The following FAM184A variants were observed in gnomAD, a reference collection of about 807,000 sequenced individuals.
FAM184A encodes the protein protein FAM184A.
Under a neutral mutation model 143.8 loss-of-function variants are expected in FAM184A, and 99 were observed. The ratio of observed to expected loss-of-function variants is 0.69; its 90% CI spans 0.58 to 0.81. The LOEUF (loss-of-function observed/expected upper bound fraction) is 0.81, where lower values mean the gene tolerates loss of function less well. FAM184A is among the 40% of genes least tolerant of loss of function. FAM184A has a pLI of 0.00. For synonymous variants in FAM184A, 427 were observed against 446.4 expected, an observed-to-expected ratio of 0.96 and a Z score of 0.55; for missense variants, 1,217 against 1,310.5, an observed-to-expected ratio of 0.93 and a Z score of 1.10.
intron 1 of FAM184A, among the ~76,000 whole-genome samples, chr6:119,032,757 T>G (rs945454499): frequency 2.6e-5 from 4 of 152,150 alleles, no homozygotes; most frequent in Non-Finnish European, 5.9e-5. Flanking sequence ...GCTTACCAAG[T>G]TAATAAAAGA....
At chr6:119,022,665 A>G in intron 3 of FAM184A, among the ~76,000 whole-genome samples, 1 of 152,166 alleles carries the variant, frequency 6.6e-6, no homozygotes, top group East Asian at 1.9e-4. Context: ...GCCTGAGCTC[A>G]GGAGTTCGAG....
At chr6:119,054,896 AT>A (rs1401942768) in intron 1 of FAM184A, among the ~76,000 whole-genome samples, 1 of 152,092 alleles carries the variant, frequency 6.6e-6, no homozygotes, top group African/African-American at 2.4e-5. Flanking sequence ...TTGAGATATA[AT>A]TTATGTAACA....
At chr6:119,099,035 GGGAGGT>G (rs1256324546) in intron 1 of FAM184A, among the ~76,000 whole-genome samples, 5 of 152,268 alleles carry the variant, frequency 3.3e-5, no homozygotes, top group African/African-American at 1.2e-4. Flanking sequence ...GCTTGAACCT[GGGAGGT>G]GGAGGTTGCA....
intron 1 of FAM184A, among the ~76,000 whole-genome samples, chr6:119,061,953 T>A (rs957129504): frequency 3.3e-5 from 5 of 152,136 alleles, no homozygotes; most frequent in Non-Finnish European, 7.3e-5. Flanking sequence ...CTCACACCTG[T>A]AATCTCAACA....
At chr6:118,988,954 A>ATTTTTTTTTTTTT (rs71556820) in intron 9 of FAM184A, among the ~76,000 whole-genome samples, 1 of 112,062 alleles carries the variant, frequency 8.9e-6, no homozygotes, top group African/African-American at 3.5e-5. Flanking sequence ...TCTGGACATG[A>ATTTTTTTTTTTTT]TTTTTTTTTT....
At chr6:119,127,087 A>C (rs1789388438) in intron 1 of FAM184A, among the ~76,000 whole-genome samples, 1 of 152,180 alleles carries the variant, frequency 6.6e-6, no homozygotes, top group Admixed American at 6.5e-5. Context: ...TGGTTTTGGA[A>C]AAAGGCAACA....
rs770789417 is a variant in FAM184A at position 119,024,268 on chromosome 6, C to CTCAA, written c.701_704dup (p.Glu235AspfsTer2). On this transcript the variant is annotated stop_gained and frameshift_variant, in exon 2 of 18. Transcript: ENST00000338891. LOFTEE classifies it high-confidence loss of function. ...GTTTCTTCCGTTCAAGTCTTAGCTC[C>CTCAA]TCAAGCATTTTGTTTAGGGACTCCA... The CTCAA allele has an allele frequency of 1.2e-6, 2 of 1,614,168 alleles. No homozygotes were observed. The highest frequency in any genetic ancestry group is 8.5e-7 in the Non-Finnish European group (1 of 1,180,034).
chr6:119,130,473 G>A (rs1789506995), intron 1 of FAM184A, among the ~76,000 whole-genome samples: 1 of 152,150 alleles, frequency 6.6e-6, no homozygotes, highest in Admixed American at 6.5e-5. Flanking sequence ...GAGAAGAGAG[G>A]CCATAGAGAT....
At chr6:119,038,261 G>A (rs2184457) in intron 1 of FAM184A, among the ~76,000 whole-genome samples, 4,151 of 152,284 alleles carry the variant, frequency 0.027, 218 homozygotes, top group African/African-American at 0.094. Flanking sequence ...GCTTGGGGAT[G>A]CTGGACACAG....
intron 1 of FAM184A, among the ~76,000 whole-genome samples, chr6:119,139,452 A>G (rs1006005968): frequency 3.3e-5 from 5 of 152,170 alleles, no homozygotes; most frequent in Admixed American, 1.3e-4. Flanking sequence ...GTCGAGGAAG[A>G]TTTCCTACCT....
chr6:119,118,329 CAATA>C (rs947516630), intron 1 of FAM184A, among the ~76,000 whole-genome samples: 2 of 152,034 alleles, frequency 1.3e-5, no homozygotes, highest in African/African-American at 4.8e-5. Flanking sequence ...TTAAATAAGA[CAATA>C]TATATAAAGG....
chr6:119,126,289 C>T (rs768304550), intron 1 of FAM184A, among the ~76,000 whole-genome samples: 19 of 152,184 alleles, frequency 1.2e-4, no homozygotes, highest in Non-Finnish European at 2.5e-4. Context: ...CCTCATGCTT[C>T]GAATTTCTCT....
At chr6:119,019,864 A>C in intron 4 of FAM184A, 114 bp downstream of exon 4, 1 of 928,866 alleles carries the variant, frequency 1.1e-6, no homozygotes, top group Non-Finnish European at 1.6e-6. Context: ...TAACTACTAA[A>C]GTAGGAAATG....
chr6:118,986,411 T>G (rs1784197998), intron 9 of FAM184A, among the ~76,000 whole-genome samples: 1 of 152,264 alleles, frequency 6.6e-6, no homozygotes, highest in Non-Finnish European at 1.5e-5. Context: ...TGTTTTTGAA[T>G]GTGCTAAGCA....
chr6:119,024,857 A>C (rs1785576428), intron 1 of FAM184A, 44 bp from the exon 2 acceptor site: 2 of 1,483,226 alleles, frequency 1.3e-6, no homozygotes, highest in African/African-American at 2.8e-5. Context: ...GTGAATCCAT[A>C]TTATTTTCTA....
chr6:119,004,110 A>T (rs1784852656), intron 7 of FAM184A, among the ~76,000 whole-genome samples: 1 of 152,240 alleles, frequency 6.6e-6, no homozygotes, highest in African/African-American at 2.4e-5. Flanking sequence ...ACTGCAAACT[A>T]GTGGTCCGTG....
intron 1 of FAM184A, among the ~76,000 whole-genome samples, chr6:119,127,804 GTTC>G: frequency 6.6e-6 from 1 of 152,282 alleles, no homozygotes; most frequent in South Asian, 2.1e-4. Flanking sequence ...GTGTGGAATT[GTTC>G]TTCAGGTCAT....
chr6:118,996,362 C>T (rs541381265), intron 9 of FAM184A, among the ~76,000 whole-genome samples: 2 of 152,014 alleles, frequency 1.3e-5, no homozygotes, highest in African/African-American at 4.8e-5. Flanking sequence ...CAGGACTTGG[C>T]GTAGGAAAAA....
intron 1 of FAM184A, among the ~76,000 whole-genome samples, chr6:119,108,151 G>GTGTGTGTGTGTGTGTT (rs1554197077): frequency 7.7e-6 from 1 of 130,268 alleles, no homozygotes; most frequent in African/African-American, 2.9e-5. Flanking sequence ...GTGTGTGTGT[G>GTGTGTGTGTGTGTGTT]GTGTGTAGGG....
Sources: allele counts gnomAD v4.1 joint callset (sites outside exome capture counted in the v4.1 genomes callset), GRCh38; gene constraint gnomAD v4.1.1; transcripts MANE v1.5; gene names NCBI Gene and HGNC (gene_info 2026-07-23, HGNC 2026-07-21).